The following FTO variants were observed in gnomAD, a reference collection of about 807,000 sequenced individuals.
FTO encodes FTO alpha-ketoglutarate dependent dioxygenase.
FTO carries 47 observed loss-of-function variants against 63.9 expected under a neutral mutation model. The ratio of observed to expected loss-of-function variants is 0.74; its 90% CI spans 0.58 to 0.94. The LOEUF (loss-of-function observed/expected upper bound fraction) is 0.94, where lower values mean the gene tolerates loss of function less well. FTO is among the 40% of genes least tolerant of loss of function. FTO has a pLI of 0.00. For missense variants in FTO, 562 were observed against 618.1 expected (o/e 0.91, Z 0.96); for synonymous variants, 207 against 224.4 (o/e 0.92, Z 0.69).
At chr16:53,754,181 T>C (rs1226080802) in intron 1 of FTO, among the ~76,000 whole-genome samples, 1 of 152,196 alleles carries the variant, frequency 6.6e-6, no homozygotes, top group Non-Finnish European at 1.5e-5. Context: ...CTGTCATGAA[T>C]GGTATGGCAT....
At chr16:53,931,906 A>ACACG (rs914415412) in intron 7 of FTO, among the ~76,000 whole-genome samples, 3 of 150,170 alleles carry the variant, frequency 2.0e-5, no homozygotes, top group Admixed American at 6.7e-5. Flanking sequence ...ACACACACAC[A>ACACG]CGCACATACC....
chr16:53,737,166 G>C (rs2151527475), intron 1 of FTO, among the ~76,000 whole-genome samples: 1 of 152,256 alleles, frequency 6.6e-6, no homozygotes, highest in Non-Finnish European at 1.5e-5. Context: ...AGGGTTGATT[G>C]ATGTCCTGAG....
chr16:53,836,376 CATAA>C (rs1376618969), intron 3 of FTO, among the ~76,000 whole-genome samples: 2 of 152,132 alleles, frequency 1.3e-5, no homozygotes, highest in African/African-American at 4.8e-5. Flanking sequence ...CTTCTAAGGC[CATAA>C]ATAGTTTTAT....
intron 8 of FTO, among the ~76,000 whole-genome samples, chr16:54,090,165 T>A (rs184520350): frequency 6.6e-6 from 1 of 152,172 alleles, no homozygotes; most frequent in Non-Finnish European, 1.5e-5. Flanking sequence ...ATAAACAAAA[T>A]GTGTTATATG....
intron 1 of FTO, among the ~76,000 whole-genome samples, chr16:53,809,927 C>T (rs113471937): frequency 9.9e-5 from 15 of 151,022 alleles, no homozygotes; most frequent in Non-Finnish European, 1.3e-4. Flanking sequence ...GGTGACAGAG[C>T]GAGACTCTGT....
At chr16:54,025,740 C>T (rs918761449) in intron 8 of FTO, among the ~76,000 whole-genome samples, 11 of 146,654 alleles carry the variant, frequency 7.5e-5, no homozygotes, top group Admixed American at 4.1e-4. Context: ...TGGCTGGGCG[C>T]GGTGGCTCGC....
At chr16:54,110,237 A>T (rs1303997578) in intron 8 of FTO, among the ~76,000 whole-genome samples, 2 of 152,118 alleles carry the variant, frequency 1.3e-5, no homozygotes, top group African/African-American at 4.8e-5. Context: ...ATCAGTGCAA[A>T]CAGTTTAATA....
intron 5 of FTO, among the ~76,000 whole-genome samples, chr16:53,878,377 G>GT (rs373614559): frequency 9.2e-5 from 14 of 151,912 alleles, no homozygotes; most frequent in African/African-American, 2.4e-4. Context: ...TCTTTGTGGG[G>GT]TTTTTTTTGG....
chr16:53,704,438 A>T (rs1188722708), intron 1 of FTO, among the ~76,000 whole-genome samples: 5 of 152,238 alleles, frequency 3.3e-5, no homozygotes, highest in Non-Finnish European at 7.3e-5. Context: ...GATCGGCTCA[A>T]AAATGAGAAG....
intron 1 of FTO, among the ~76,000 whole-genome samples, chr16:53,760,433 A>G: frequency 6.6e-6 from 1 of 150,780 alleles, no homozygotes; most frequent in East Asian, 1.9e-4. Context: ...TTTTGTAGGG[A>G]TGGGGTTTTG....
At chr16:53,862,901 G>C (rs757295763) in intron 4 of FTO, among the ~76,000 whole-genome samples, 4 of 152,080 alleles carry the variant, frequency 2.6e-5, no homozygotes, top group Non-Finnish European at 5.9e-5. Context: ...TCCAGGATCT[G>C]TTCCTCATGT....
chr16:53,895,477 A>G (rs2081258300), intron 7 of FTO, among the ~76,000 whole-genome samples: 1 of 152,214 alleles, frequency 6.6e-6, no homozygotes, highest in South Asian at 2.1e-4. Flanking sequence ...TGTTCAGGGT[A>G]AATACTTAAA....
chr16:53,738,605 T>C (rs902775412), intron 1 of FTO, among the ~76,000 whole-genome samples: 1 of 152,174 alleles, frequency 6.6e-6, no homozygotes, highest in Non-Finnish European at 1.5e-5. Flanking sequence ...CTTGAGCATA[T>C]ACCTGGAAGT....
chr16:53,817,913 C>A (rs1321800941), intron 2 of FTO, among the ~76,000 whole-genome samples: 1 of 152,068 alleles, frequency 6.6e-6, no homozygotes, highest in African/African-American at 2.4e-5. Context: ...ATTTGTGAAT[C>A]TCAAGAAATA....
chr16:53,864,273 T>C (rs1179213519), intron 4 of FTO, among the ~76,000 whole-genome samples: 1 of 152,194 alleles, frequency 6.6e-6, no homozygotes, highest in Admixed American at 6.5e-5. Context: ...GCAAAAGTCA[T>C]GATTGTTTCT....
chr16:54,037,531 A>G (rs1455138590), intron 8 of FTO, among the ~76,000 whole-genome samples: 1 of 152,232 alleles, frequency 6.6e-6, no homozygotes, highest in Non-Finnish European at 1.5e-5. Flanking sequence ...TCCAGTGCTC[A>G]TGCTTTTAGT....
chr16:54,020,971 A>T (rs139561338), intron 8 of FTO, among the ~76,000 whole-genome samples: 6 of 152,118 alleles, frequency 3.9e-5, no homozygotes, highest in African/African-American at 1.4e-4. Context: ...ACTTTGTCTC[A>T]AAAAAAGAAA....
At chr16:53,936,278 A>G (rs1217310966) in intron 8 of FTO, among the ~76,000 whole-genome samples, 2 of 152,206 alleles carry the variant, frequency 1.3e-5, no homozygotes, top group Non-Finnish European at 2.9e-5. Context: ...CCTTAAAACT[A>G]AACACCTGAA....
At chr16:53,961,712 G>A (rs552434658) in intron 8 of FTO, among the ~76,000 whole-genome samples, 4 of 152,192 alleles carry the variant, frequency 2.6e-5, no homozygotes, top group Admixed American at 1.3e-4. Flanking sequence ...ATACACTTTC[G>A]CTTCTAATTC....
Sources: gnomAD v4.1 joint callset for allele counts (sites outside exome capture counted in the v4.1 genomes callset) on GRCh38, gnomAD v4.1.1 for gene constraint, MANE v1.5 for transcripts, NCBI Gene and HGNC (gene_info 2026-07-23, HGNC 2026-07-21) for gene names.